Variants in ADAMTS14 observed in about 807,000 individuals in gnomAD.
ADAMTS14 encodes ADAM metallopeptidase with thrombospondin type 1 motif 14, also known as A disintegrin and metalloproteinase with thrombospondin motifs 14.
In ADAMTS14, 100 loss-of-function variants were observed where a neutral mutation model predicts 128.6. That is an observed-to-expected ratio of 0.78 (90% confidence interval 0.66 to 0.92). The LOEUF (loss-of-function observed/expected upper bound fraction) is 0.92. ADAMTS14 is among the 40% of genes least tolerant of loss of function. ADAMTS14 has a pLI of 0.00. For synonymous variants in ADAMTS14, 665 were observed against 653.8 expected (o/e 1.02, Z -0.26); for missense variants, 1,562 against 1,658.6 (o/e 0.94, Z 1.01).
chr10:70,744,380 G>A (rs1205793968), intron 14 of ADAMTS14, among the ~76,000 whole-genome samples, 191 bp downstream of exon 14: 1 of 152,178 alleles, frequency 6.6e-6, no homozygotes, highest in Non-Finnish European at 1.5e-5. Context: ...TCACCTTTCA[G>A]GCAAGCTCCT....
intron 2 of ADAMTS14, among the ~76,000 whole-genome samples, chr10:70,679,512 C>T (rs960175686): frequency 7.2e-5 from 11 of 152,158 alleles, no homozygotes; most frequent in East Asian, 1.9e-4. Context: ...AGGTTGGGGT[C>T]GGCAGAGTGG....
chr10:70,707,176 C>T (rs1840694116), intron 3 of ADAMTS14, among the ~76,000 whole-genome samples: 1 of 152,188 alleles, frequency 6.6e-6, no homozygotes, highest in African/African-American at 2.4e-5. Context: ...TCTTATTTGT[C>T]CCCTCTACTA....
intron 2 of ADAMTS14, among the ~76,000 whole-genome samples, chr10:70,677,462 G>C (rs1428321568): frequency 6.6e-6 from 1 of 152,174 alleles, no homozygotes; most frequent in African/African-American, 2.4e-5. Flanking sequence ...ATTCTGTGTG[G>C]CATTTGCTGA....
At chr10:70,730,358 G>A in intron 6 of ADAMTS14, 109 bp downstream of exon 6, 2 of 1,428,176 alleles carry the variant, frequency 1.4e-6, no homozygotes, top group Admixed American at 4.6e-5. Flanking sequence ...CCACATGGAG[G>A]TTTGAAGGGA....
chr10:70,737,846 A>G (rs1005865706), intron 10 of ADAMTS14, among the ~76,000 whole-genome samples: 1 of 152,224 alleles, frequency 6.6e-6, no homozygotes, highest in African/African-American at 2.4e-5. Flanking sequence ...CCTATAGAAC[A>G]AGAAGTGACT....
chr10:70,729,001 T>G (rs934955558), intron 4 of ADAMTS14, among the ~76,000 whole-genome samples: 2 of 152,020 alleles, frequency 1.3e-5, no homozygotes, highest in African/African-American at 4.8e-5. Flanking sequence ...TTGGTCAGAG[T>G]TGCTGAGTTT....
chr10:70,756,289 G>A (rs1842478027), intron 19 of ADAMTS14, among the ~76,000 whole-genome samples: 1 of 152,110 alleles, frequency 6.6e-6, no homozygotes, highest in African/African-American at 2.4e-5. Flanking sequence ...TTGAAATATT[G>A]CATTATGAAT....
Position 70,674,541 on chromosome 10 carries a change from G to C in ADAMTS14, c.83-15G>C. 6.2e-7 allele frequency: 1 copy of C among 1,602,222 alleles called. No homozygotes were observed. Among genetic ancestry groups the C allele is most frequent in the South Asian group, 1.1e-5 (1 of 89,962 alleles). The stretch of plus-strand genomic sequence containing the variant: ...ACCGACTGCATTGAAGTGACTCTTT[G>C]TTTACCTCCAACAGAGCTGCACCTC... On this transcript the variant is annotated splice_polypyrimidine_tract_variant and intron_variant, in intron 1 of 21. Coordinates refer to ENST00000373207, the MANE Select transcript of ADAMTS14 (RefSeq NM_080722.4).
Position 70,689,234 on chromosome 10 carries a change from G to A in ADAMTS14, c.523-13078G>A, listed in dbSNP as rs564709368. Among the ~76,000 whole-genome samples the A allele has an allele frequency of 7.6e-5, 11 of 145,008 alleles. 1 individual carries two copies. Among genetic ancestry groups the A allele is most frequent in the African/African-American group, 2.7e-4 (11 of 41,062 alleles). On this transcript the variant is annotated intron_variant, in intron 2 of 21. Coordinates refer to ENST00000373207, the MANE Select transcript of ADAMTS14 (RefSeq NM_080722.4). Reference sequence around the variant, plus strand: ...TTGGGGAAGCGGATCTCTCACAAGGGTGGTATACCCAAGGGAGTTTGTTTT... The same window carrying A: ...TTGGGGAAGCGGATCTCTCACAAGGATGGTATACCCAAGGGAGTTTGTTTT...
At chr10:70,741,254 C>G in intron 12 of ADAMTS14, 92 bp downstream of exon 12, 1 of 1,436,326 alleles carries the variant, frequency 7.0e-7, no homozygotes, top group East Asian at 2.4e-5. Context: ...CCTACATACA[C>G]CAGTGAAGGT....
At chr10:70,673,431 T>G (rs188511385) in intron 1 of ADAMTS14, among the ~76,000 whole-genome samples, 1 of 148,358 alleles carries the variant, frequency 6.7e-6, no homozygotes, top group African/African-American at 2.4e-5. Flanking sequence ...GACACAGGTC[T>G]CTTGCATACA....
At chr10:70,687,648 C>G (rs1223115540) in intron 2 of ADAMTS14, among the ~76,000 whole-genome samples, 13 of 42,984 alleles carry the variant, frequency 3.0e-4, no homozygotes, top group South Asian at 1.2e-3. Context: ...CTGACCCCCC[C>G]ACCTCCCTCC....
chr10:70,683,413 C>T (rs372327168), intron 2 of ADAMTS14, among the ~76,000 whole-genome samples: 5 of 152,180 alleles, frequency 3.3e-5, no homozygotes, highest in African/African-American at 7.2e-5. Context: ...TCTCCTGACC[C>T]GCCTGCCAGG....
At position 70,753,959 on chromosome 10, in the gene ADAMTS14, T is replaced by C; in HGVS notation, c.2889T>C (p.Cys963=). The C allele has an allele frequency of 6.3e-7, 1 of 1,583,162 alleles. No individual in the cohort carries two copies. Among genetic ancestry groups the C allele is most frequent in the Non-Finnish European group, 8.6e-7 (1 of 1,165,796 alleles). ...ACCGGCCTGAGGCCCGACGGCCCTG[T>C]CTCCGAGTGCCCTGCCCAGCCCAGT... is the stretch of plus-strand genomic sequence containing the variant. The part of the protein sequence containing the change: ...AGDRPEARRP[C]LRVPCPAQWR... The change falls in exon 19 of 22, where the codon TGT becomes TGC. Residue 963 remains cysteine (C), a synonymous_variant. Coordinates refer to ENST00000373207, the MANE Select transcript of ADAMTS14 (RefSeq NM_080722.4).
intron 6 of ADAMTS14, 101 bp downstream of exon 6, chr10:70,730,350 A>G: frequency 6.9e-7 from 1 of 1,447,622 alleles, no homozygotes; most frequent in Admixed American, 2.2e-5. Flanking sequence ...GGGGCCCACC[A>G]CATGGAGGTT....
Position 70,751,644 on chromosome 10 carries a change from G to T in ADAMTS14, c.2594G>T (p.Gly865Val). 6.2e-7 allele frequency: 1 copy of T among 1,603,506 alleles called. No individual in the cohort carries two copies. Among genetic ancestry groups the T allele is most frequent in the Non-Finnish European group, 8.5e-7 (1 of 1,171,222 alleles). ...GCCCCCTGCAGCAAGGCCTGTGGAG[G>T]AGGTACCGGTTCCCTGACCCGCCAG... is the stretch of plus-strand genomic sequence containing the variant. ...SWAPCSKACGGGIQFTKYGCR... is the reference protein window; with the variant it reads ...SWAPCSKACGVGIQFTKYGCR... Residue 865 changes from glycine (G) to valine (V), a missense_variant and splice_region_variant, in exon 17 of 22, where the codon GGA (glycine) becomes GTA (valine). Gly to Val is a moderately radical substitution (Grantham distance 109). Coordinates refer to ENST00000373207, the MANE Select transcript of ADAMTS14 (RefSeq NM_080722.4).
chr10:70,673,392 C>T (rs1236051925), intron 1 of ADAMTS14, among the ~76,000 whole-genome samples: 1 of 152,160 alleles, frequency 6.6e-6, no homozygotes, highest in East Asian at 1.9e-4. Context: ...CCTTCCACTG[C>T]CCCCAACGTA....
rs116591015 is a variant in ADAMTS14 at position 70,683,790 on chromosome 10, C to T, written c.522+8795C>T. On this transcript the variant is annotated intron_variant, in intron 2 of 21. Coordinates refer to ENST00000373207, the MANE Select transcript of ADAMTS14 (RefSeq NM_080722.4). ...GGAAGGCCCAAGCTGGCTTCTTTTACATGACCAGCATGGTGCTGGCTGTAG... is the reference window on the plus strand; with the variant it reads ...GGAAGGCCCAAGCTGGCTTCTTTTATATGACCAGCATGGTGCTGGCTGTAG... 3.8e-3 allele frequency among the ~76,000 whole-genome samples: 577 copies of T among 152,268 alleles called. 2 individuals are homozygous for T. The highest frequency in any genetic ancestry group is 0.013 in the African/African-American group (541 of 41,548).
In ADAMTS14 at chr10:70,685,936, T is replaced by C. The variant is rs571352542; in HGVS notation, c.522+10941T>C. Among the ~76,000 whole-genome samples, 147 of 152,272 alleles carry C rather than the reference T, an allele frequency of 9.7e-4. 2 individuals carry two copies. The South Asian group carries it at 0.018, about 19-fold the overall frequency. ...TCTTCTCTGAAACTGGGAGGCCAAC[T>C]AAGAAAAACAGATGTCAATGGCCCA... On this transcript the variant is annotated intron_variant, in intron 2 of 21. Transcript: ENST00000373207.
Sources: allele counts gnomAD v4.1 joint callset (sites outside exome capture counted in the v4.1 genomes callset), GRCh38; gene constraint gnomAD v4.1.1; transcripts MANE v1.5; gene names NCBI Gene and HGNC (gene_info 2026-07-23, HGNC 2026-07-21).